TCERG1L: variants seen among roughly 807,000 people sequenced by gnomAD.
The protein encoded by TCERG1L is transcription elongation regulator 1 like, also known as transcription elongation regulator 1-like protein.
TCERG1L carries 37 observed loss-of-function variants against 56.3 expected under a neutral mutation model. That is an observed-to-expected ratio of 0.66 (90% CI 0.51 to 0.87). TCERG1L has a LOEUF of 0.87. TCERG1L is among the 40% of genes least tolerant of loss of function. The pLI is 0.00. For missense variants in TCERG1L, 799 were observed against 774.2 expected, an observed-to-expected ratio of 1.03 and a Z score of -0.38; for synonymous variants, 324 against 326.3, an observed-to-expected ratio of 0.99 and a Z score of 0.08.
chr10:131,295,723 T>C (rs1846683125), intron 3 of TCERG1L, among the ~76,000 whole-genome samples: 2 of 152,180 alleles, frequency 1.3e-5, no homozygotes, highest in Admixed American at 1.3e-4. Context: ...TTCTTTGTGG[T>C]TGGAAACATT....
intron 3 of TCERG1L, among the ~76,000 whole-genome samples, chr10:131,264,478 C>A (rs942048236): frequency 6.6e-6 from 1 of 152,196 alleles, no homozygotes; most frequent in African/African-American, 2.4e-5. Context: ...AGGAGTCGGG[C>A]TCCTGGTTCA....
chr10:131,253,032 C>T (rs1223422577), intron 4 of TCERG1L, among the ~76,000 whole-genome samples: 2 of 152,224 alleles, frequency 1.3e-5, no homozygotes, highest in Admixed American at 6.5e-5. Flanking sequence ...GGCCGTAGCG[C>T]CTTCCCTGCT....
chr10:131,093,109 GCCCCCGGCACGCCCAGGGTCAA>G lies in TCERG1L; in HGVS notation c.*31_*52del, dbSNP rs1845198352. 6.3e-7 allele frequency: 1 copy of G among 1,577,106 alleles called. No homozygotes were observed. The highest frequency in any genetic ancestry group is 1.4e-5 in the African/African-American group (1 of 73,506). On this transcript the variant is annotated 3_prime_UTR_variant, in exon 12 of 12. Transcript: ENST00000368642. ...TGTCCGTCTCCACCGTGACCCCCTCGCCCCCGGCACGCCCAGGGTCAACCCCCGGGCTTATTGCATTTTTTCA... is the reference window on the plus strand; with the variant it reads ...TGTCCGTCTCCACCGTGACCCCCTCGCCCCCGGGCTTATTGCATTTTTTCA...
intron 4 of TCERG1L, among the ~76,000 whole-genome samples, chr10:131,173,011 C>T (rs11596390): frequency 0.18 from 27,194 of 151,552 alleles, 3,088 homozygotes; most frequent in Middle Eastern, 0.26. Context: ...TTGCCTCGGC[C>T]TCCCGAGTAG....
At chr10:131,113,766 T>G (rs1043100787) in intron 9 of TCERG1L, among the ~76,000 whole-genome samples, 2 of 141,306 alleles carry the variant, frequency 1.4e-5, no homozygotes, top group Non-Finnish European at 3.2e-5. Flanking sequence ...AGTCCCTAAG[T>G]CAAAATAGAG....
chr10:131,158,956 TC>T lies in TCERG1L; in HGVS notation c.1034+4165del, dbSNP rs1845950231. On this transcript the variant is annotated intron_variant, in intron 6 of 11. Transcript: ENST00000368642. ...AGTTCAGCTGGCAGTGCCCGTGGGGTCCCCCAGGTGACCCTGAACTGGCCTT... is the reference window on the plus strand; with the variant it reads ...AGTTCAGCTGGCAGTGCCCGTGGGGTCCCCAGGTGACCCTGAACTGGCCTT... Among the ~76,000 whole-genome samples, 2 of 152,080 alleles carry T rather than the reference TC, an allele frequency of 1.3e-5. 1 individual carries two copies. Among genetic ancestry groups the T allele is most frequent in the Non-Finnish European group, 2.9e-5 (2 of 68,012 alleles).
chr10:131,181,360 C>T lies in TCERG1L; in HGVS notation c.857-14475G>A, dbSNP rs529277380. 2.6e-3 allele frequency among the ~76,000 whole-genome samples: 394 copies of T among 152,316 alleles called. 1 individual carries two copies. The highest frequency in any genetic ancestry group is 8.9e-3 in the African/African-American group (370 of 41,584). On this transcript the variant is annotated intron_variant, in intron 4 of 11. Transcript: ENST00000368642. Reference sequence around the variant, plus strand: ...GGGGTGTCTGTGCTCAGCACAGAGGCGGAGGTCTGCGATTGGGCGGGCCTG... The same window carrying T: ...GGGGTGTCTGTGCTCAGCACAGAGGTGGAGGTCTGCGATTGGGCGGGCCTG...
chr10:131,207,127 T>C (rs186561385), intron 4 of TCERG1L, among the ~76,000 whole-genome samples: 247 of 152,224 alleles, frequency 1.6e-3, no homozygotes, highest in African/African-American at 5.7e-3. Context: ...TGCATGGAGA[T>C]CTTCAGGGAG....
At chr10:131,184,561 C>T (rs1443621435) in intron 4 of TCERG1L, among the ~76,000 whole-genome samples, 1 of 152,328 alleles carries the variant, frequency 6.6e-6, no homozygotes, top group South Asian at 2.1e-4. Flanking sequence ...GCGAGGGATC[C>T]CACTACCAAG....
At chr10:131,288,257 T>C (rs1030266182) in intron 3 of TCERG1L, among the ~76,000 whole-genome samples, 8 of 152,244 alleles carry the variant, frequency 5.3e-5, no homozygotes, top group Non-Finnish European at 1.0e-4. Flanking sequence ...GAATGATTTA[T>C]CTGTTCATCC....
At chr10:131,257,569 G>A (rs1298908736) in intron 4 of TCERG1L, among the ~76,000 whole-genome samples, 1 of 152,134 alleles carries the variant, frequency 6.6e-6, no homozygotes, top group Admixed American at 6.5e-5. Context: ...AGGTTTTCAT[G>A]GTGCCTTAAG....
At chr10:131,294,118 C>T (rs1846663964) in intron 3 of TCERG1L, among the ~76,000 whole-genome samples, 1 of 152,096 alleles carries the variant, frequency 6.6e-6, no homozygotes, top group Admixed American at 6.5e-5. Flanking sequence ...ACCAGTATCC[C>T]TGTTTTCACA....
At chr10:131,146,076 C>G (rs1589727822) in intron 7 of TCERG1L, among the ~76,000 whole-genome samples, 1 of 152,156 alleles carries the variant, frequency 6.6e-6, no homozygotes, top group East Asian at 1.9e-4. Context: ...AGGCATCCAT[C>G]CAAGCACAAC....
chr10:131,214,510 C>T (rs974980837), intron 4 of TCERG1L, among the ~76,000 whole-genome samples: 1 of 152,240 alleles, frequency 6.6e-6, no homozygotes, highest in Admixed American at 6.5e-5. Flanking sequence ...GGCTAGTCAT[C>T]ATCATTTACA....
At chr10:131,235,432 C>T (rs762201374) in intron 4 of TCERG1L, among the ~76,000 whole-genome samples, 3 of 152,142 alleles carry the variant, frequency 2.0e-5, no homozygotes, top group African/African-American at 4.8e-5. Context: ...TTTGGTCCAA[C>T]GGTTCCATTT....
intron 8 of TCERG1L, among the ~76,000 whole-genome samples, chr10:131,123,259 G>A (rs1188934055): frequency 6.6e-6 from 1 of 152,204 alleles, no homozygotes; most frequent in African/African-American, 2.4e-5. Context: ...ATACCACCAA[G>A]TAAGTAAATT....
chr10:131,093,387 C>A (rs145273281), intron 11 of TCERG1L, 69 bp from the exon 12 acceptor site: 1 of 1,558,118 alleles, frequency 6.4e-7, no homozygotes, highest in Non-Finnish European at 8.7e-7. Context: ...GATCCTGCAG[C>A]GGCACCGCCT....
chr10:131,291,149 C>T (rs1194214430), intron 3 of TCERG1L, among the ~76,000 whole-genome samples: 2 of 152,100 alleles, frequency 1.3e-5, no homozygotes, highest in Non-Finnish European at 2.9e-5. Context: ...ATTATTCTGT[C>T]TTCCATTTAT....
At chr10:131,303,648 C>T (rs781162792) in intron 3 of TCERG1L, among the ~76,000 whole-genome samples, 2 of 152,056 alleles carry the variant, frequency 1.3e-5, no homozygotes, top group African/African-American at 4.8e-5. Context: ...ATCACCTTCT[C>T]CCACTGTTAC....
Sources: gnomAD v4.1 joint callset for allele counts (sites outside exome capture counted in the v4.1 genomes callset) on GRCh38, gnomAD v4.1.1 for gene constraint, MANE v1.5 for transcripts, NCBI Gene and HGNC (gene_info 2026-07-23, HGNC 2026-07-21) for gene names.